Variants in PCCA observed in about 807,000 individuals in gnomAD.
PCCA encodes the protein propionyl-CoA carboxylase alpha chain, mitochondrial.
In PCCA, 74 loss-of-function variants were observed where a neutral mutation model predicts 101.3. That is an observed-to-expected ratio of 0.73 (90% confidence interval 0.61 to 0.89). The LOEUF (loss-of-function observed/expected upper bound fraction) is 0.89. Among genes scored for constraint, PCCA ranks in the 40% least tolerant of loss-of-function variants. PCCA has a pLI of 0.00. For synonymous variants in PCCA, 294 were observed against 313.6 expected (o/e 0.94, Z 0.66); for missense variants, 891 against 907.0 (o/e 0.98, Z 0.23).
At chr13:100,332,048 C>T (rs1020699928) in intron 17 of PCCA, among the ~76,000 whole-genome samples, 1 of 149,674 alleles carries the variant, frequency 6.7e-6, no homozygotes, top group African/African-American at 2.4e-5. Flanking sequence ...AAGCGATTCT[C>T]CTGCCGCAGC....
chr13:100,343,056 C>T (rs1265287810), intron 18 of PCCA, among the ~76,000 whole-genome samples: 3 of 152,170 alleles, frequency 2.0e-5, no homozygotes, highest in East Asian at 1.9e-4. Flanking sequence ...TTAGCGGGGG[C>T]GTGGTGGCGG....
At chr13:100,230,671 T>G (rs1047284357) in intron 7 of PCCA, among the ~76,000 whole-genome samples, 1 of 152,212 alleles carries the variant, frequency 6.6e-6, no homozygotes, top group Admixed American at 6.5e-5. Context: ...AGATCCCTCT[T>G]GCCTCTCAAA....
chr13:100,338,377 C>T (rs189992801), intron 17 of PCCA, among the ~76,000 whole-genome samples: 1 of 152,060 alleles, frequency 6.6e-6, no homozygotes, highest in Non-Finnish European at 1.5e-5. Flanking sequence ...TGTCATCACA[C>T]AATATGTGTC....
chr13:100,205,882 A>G (rs2058821745), intron 6 of PCCA, among the ~76,000 whole-genome samples: 1 of 152,080 alleles, frequency 6.6e-6, no homozygotes, highest in South Asian at 2.1e-4. Context: ...CTTAGTGTTT[A>G]GTGGGTTTCA....
chr13:100,130,552 GT>G (rs2050399721), intron 4 of PCCA, among the ~76,000 whole-genome samples: 1 of 121,496 alleles, frequency 8.2e-6, no homozygotes. Context: ...CCAATGGAGA[GT>G]TTGTAGAAAT....
intron 5 of PCCA, among the ~76,000 whole-genome samples, chr13:100,156,317 C>T (rs57312430): frequency 1.3e-5 from 2 of 152,318 alleles, no homozygotes; most frequent in East Asian, 3.9e-4. Flanking sequence ...ATCTGCCTGC[C>T]TCAGCCTTCT....
At chr13:100,401,263 A>C (rs1478582952) in intron 19 of PCCA, among the ~76,000 whole-genome samples, 8 of 151,824 alleles carry the variant, frequency 5.3e-5, no homozygotes, top group Admixed American at 2.6e-4. Context: ...GTTTGTTTTG[A>C]TACAGAGTCT....
intron 11 of PCCA, among the ~76,000 whole-genome samples, chr13:100,271,862 G>C (rs1330381151): frequency 6.6e-6 from 1 of 152,140 alleles, no homozygotes; most frequent in African/African-American, 2.4e-5. Flanking sequence ...TAGAGAAGTG[G>C]GCAAGTAGCA....
intron 10 of PCCA, among the ~76,000 whole-genome samples, chr13:100,264,016 GTA>G (rs1354282756): frequency 6.8e-6 from 1 of 146,914 alleles, no homozygotes; most frequent in African/African-American, 2.5e-5. Context: ...TATATATACG[GTA>G]TCTGTATATC....
chr13:100,470,374 C>T (rs1393507475), intron 21 of PCCA, among the ~76,000 whole-genome samples: 5 of 152,204 alleles, frequency 3.3e-5, no homozygotes, highest in Admixed American at 3.3e-4. Flanking sequence ...TGGCGGGCAC[C>T]TCTCATCACA....
chr13:100,497,667 T>C (rs900784226), intron 21 of PCCA, among the ~76,000 whole-genome samples: 3 of 152,114 alleles, frequency 2.0e-5, no homozygotes, highest in African/African-American at 7.2e-5. Flanking sequence ...TGACCATTAG[T>C]GATGCTGTCA....
chr13:100,223,462 C>T (rs1275127853), intron 7 of PCCA, among the ~76,000 whole-genome samples: 1 of 151,942 alleles, frequency 6.6e-6, no homozygotes, highest in Non-Finnish European at 1.5e-5. Flanking sequence ...TGGAGTTGTT[C>T]GTTCCTCCCG....
At position 100,348,776 on chromosome 13, in the gene PCCA, CTTT is replaced by C. The variant is rs1566976451; in HGVS notation, c.1643+8518_1643+8520del. On this transcript the variant is annotated intron_variant, in intron 18 of 23. Coordinates refer to ENST00000376285, the MANE Select transcript of PCCA (RefSeq NM_000282.4). The stretch of plus-strand genomic sequence containing the variant: ...TCTTTCTTTCTTTCTTTCTTTCTTT[CTTT>C]CTTTCTTTCTTCCTTCCTTCCTTCC... Among the ~76,000 whole-genome samples, 754 of 87,050 alleles carry C rather than the reference CTTT, an allele frequency of 8.7e-3. 7 individuals are homozygous for C. The highest frequency in any genetic ancestry group is 0.019 in the Middle Eastern group (3 of 158). 57.1% of individuals were successfully genotyped at this position (87,050 alleles called of 152,430 possible). A position where few individuals can be genotyped will look rare whatever the true frequency, so the allele number is the denominator to read the frequency against.
chr13:100,227,960 GA>G (rs1337682712), intron 7 of PCCA, among the ~76,000 whole-genome samples: 1 of 151,912 alleles, frequency 6.6e-6, no homozygotes, highest in Non-Finnish European at 1.5e-5. Context: ...ATTTTTAAGG[GA>G]AAATGAATAG....
At chr13:100,472,318 C>G (rs1336022384) in intron 21 of PCCA, among the ~76,000 whole-genome samples, 1 of 152,042 alleles carries the variant, frequency 6.6e-6, no homozygotes, top group Non-Finnish European at 1.5e-5. Context: ...CCTCCCCTGT[C>G]TACCGGGGAG....
chr13:100,499,789 GT>G (rs1299952843), intron 21 of PCCA, among the ~76,000 whole-genome samples: 9 of 152,174 alleles, frequency 5.9e-5, no homozygotes, highest in South Asian at 2.1e-4. Flanking sequence ...TTTTAAAAAG[GT>G]TTTTTCTTTC....
At chr13:100,484,849 C>T (rs932211808) in intron 21 of PCCA, among the ~76,000 whole-genome samples, 1 of 152,116 alleles carries the variant, frequency 6.6e-6, no homozygotes, top group Non-Finnish European at 1.5e-5. Context: ...GTGAGCACCT[C>T]GGTAGGAGCC....
intron 12 of PCCA, among the ~76,000 whole-genome samples, chr13:100,281,954 C>T (rs2064156655): frequency 6.6e-6 from 1 of 152,188 alleles, no homozygotes; most frequent in Non-Finnish European, 1.5e-5. Context: ...TATCAGTTTA[C>T]CTCTTAAATG....
At chr13:100,256,093 C>T (rs1028853298) in intron 8 of PCCA, among the ~76,000 whole-genome samples, 27 of 152,048 alleles carry the variant, frequency 1.8e-4, no homozygotes, top group African/African-American at 6.3e-4. Flanking sequence ...CTGCAATCTC[C>T]GCCTCCCAGG....
Sources: gnomAD v4.1 joint callset for allele counts (sites outside exome capture counted in the v4.1 genomes callset) on GRCh38, gnomAD v4.1.1 for gene constraint, MANE v1.5 for transcripts, NCBI Gene and HGNC (gene_info 2026-07-23, HGNC 2026-07-21) for gene names.